Variants in CNTD1 observed in about 807,000 individuals in gnomAD.
The protein encoded by CNTD1 is cyclin N-terminal domain-containing protein 1.
In CNTD1, 17 loss-of-function variants were observed where a neutral mutation model predicts 36.3. The ratio of observed to expected loss-of-function variants is 0.47; its 90% CI spans 0.32 to 0.70. The LOEUF is 0.70. Among genes scored for constraint, CNTD1 ranks in the 30% least tolerant of loss-of-function variants. CNTD1 has a pLI of 0.03. For missense variants in CNTD1, 338 were observed against 386.1 expected, an observed-to-expected ratio of 0.88 and a Z score of 1.04; for synonymous variants, 128 against 153.3, an observed-to-expected ratio of 0.83 and a Z score of 1.22.
intron 5 of CNTD1, among the ~76,000 whole-genome samples, chr17:42,807,130 AC>A (rs2054892707): frequency 6.6e-6 from 1 of 152,134 alleles, no homozygotes; most frequent in African/African-American, 2.4e-5. Context: ...AGAAAAAAAA[AC>A]AGTCGCCGGC....
At chr17:42,806,583 T>G (rs2054882433) in intron 4 of CNTD1, 91 bp from the exon 5 acceptor site, 1 of 1,323,102 alleles carries the variant, frequency 7.6e-7, no homozygotes, top group South Asian at 1.3e-5. Flanking sequence ...GGAAGCACAT[T>G]AGCACCTCAA....
intron 3 of CNTD1, 37 bp downstream of exon 3, chr17:42,804,433 T>C: frequency 1.3e-6 from 2 of 1,585,212 alleles, no homozygotes; most frequent in Non-Finnish European, 1.7e-6. Flanking sequence ...ACCTGAGTGT[T>C]AGGAAGAAAC....
chr17:42,806,095 G>T (rs2054874546), intron 4 of CNTD1, among the ~76,000 whole-genome samples: 1 of 152,114 alleles, frequency 6.6e-6, no homozygotes, highest in South Asian at 2.1e-4. Context: ...GGGTGTGGTG[G>T]TGGGCACCTG....
In CNTD1 at chr17:42,811,404, G is replaced by A; in HGVS notation, c.*1869G>A. 2.6e-6 allele frequency: 1 copy of A among 385,162 alleles called. No individual in the cohort carries two copies. The highest frequency in any genetic ancestry group is 4.6e-6 in the Non-Finnish European group (1 of 219,166). The allele number at this position is 385,162 out of a possible 1,614,324, so 23.9% of individuals were successfully genotyped here. On this transcript the variant is annotated 3_prime_UTR_variant, in exon 7 of 7. Coordinates refer to ENST00000588408, the MANE Select transcript of CNTD1 (RefSeq NM_173478.3). ...GAAAAACCTTCTTGAAACTGGAGAG[G>A]AGGCTTGAGCTCTATGCCAAGAAAA... is the stretch of plus-strand genomic sequence containing the variant.
chr17:42,806,843 C>A, intron 5 of CNTD1, 25 bp downstream of exon 5: 1 of 1,612,028 alleles, frequency 6.2e-7, no homozygotes, highest in Non-Finnish European at 8.5e-7. Context: ...ATAGGGTAGG[C>A]TCCTTCCAGG....
In CNTD1 at chr17:42,805,713, T is replaced by C. The variant is rs763561525; in HGVS notation, c.418-9T>C. ...AACATTCTTCTTTCCCTCTCTTTTC[T>C]TTGCTCAGATAATCAGCAACATTAC... On this transcript the variant is annotated splice_polypyrimidine_tract_variant and intron_variant, in intron 3 of 6. Transcript: ENST00000588408. The C allele has an allele frequency of 1.9e-6, 3 of 1,608,074 alleles. No homozygotes were observed. The South Asian group carries it at 3.3e-5, about 18-fold the overall frequency.
intron 3 of CNTD1, among the ~76,000 whole-genome samples, chr17:42,805,041 AC>A (rs2054856263): frequency 6.6e-6 from 1 of 151,748 alleles, no homozygotes; most frequent in African/African-American, 2.4e-5. Flanking sequence ...CATACTGGTC[AC>A]CTTTCCTCCC....
At chr17:42,808,392 T>A (rs891765389) in intron 6 of CNTD1, among the ~76,000 whole-genome samples, 2 of 151,218 alleles carry the variant, frequency 1.3e-5, no homozygotes, top group East Asian at 2.0e-4. Flanking sequence ...CTACCAAAAA[T>A]TTTAAAAAAT....
chr17:42,811,184 G>A lies in CNTD1; in HGVS notation c.*1649G>A, dbSNP rs2054994992. On this transcript the variant is annotated 3_prime_UTR_variant, in exon 7 of 7. Transcript: ENST00000588408. The stretch of plus-strand genomic sequence containing the variant: ...GAAGCCTGGAGTAGGGGTGAGTGAG[G>A]GTTACAGTACTTCTTGCTGTTTTCC... 2.7e-6 allele frequency: 1 copy of A among 376,366 alleles called. No homozygotes were observed. The highest frequency in any genetic ancestry group is 4.7e-6 in the Non-Finnish European group (1 of 213,360). The allele number at this position is 376,366 out of a possible 1,614,324, so 23.3% of individuals were successfully genotyped here.
At chr17:42,805,967 C>A in intron 4 of CNTD1, 83 bp downstream of exon 4, 2 of 1,335,200 alleles carry the variant, frequency 1.5e-6, no homozygotes, top group Non-Finnish European at 2.0e-6. Context: ...ATGGCTCATG[C>A]CTGTAATCCC....
rs1011168166 is a variant in CNTD1 at position 42,811,376 on chromosome 17, A to G, written c.*1841A>G. 2 of 350,292 alleles carry G rather than the reference A, an allele frequency of 5.7e-6. No individual in the cohort carries two copies. Among genetic ancestry groups the G allele is most frequent in the Non-Finnish European group, 1.0e-5 (2 of 196,600 alleles). 21.7% of individuals were successfully genotyped at this position (350,292 alleles called of 1,614,324 possible). A position where few individuals can be genotyped will look rare whatever the true frequency, so the allele number is the denominator to read the frequency against. On this transcript the variant is annotated 3_prime_UTR_variant, in exon 7 of 7. Transcript: ENST00000588408. The stretch of plus-strand genomic sequence containing the variant: ...ATTCCTGTGTATTTCCAAGGGCTTC[A>G]GGGAAAAACCTTCTTGAAACTGGAG...
intron 6 of CNTD1, among the ~76,000 whole-genome samples, chr17:42,808,138 G>A (rs1037466667): frequency 2.0e-5 from 3 of 152,168 alleles, no homozygotes; most frequent in Admixed American, 1.3e-4. Flanking sequence ...GGCTGGGCAC[G>A]GTGGCTCATG....
At position 42,811,148 on chromosome 17, in the gene CNTD1, CAAAGA is replaced by C. The variant is rs978310234; in HGVS notation, c.*1614_*1618del. The C allele has an allele frequency of 1.6e-5, 7 of 426,268 alleles. 1 individual carries two copies. Among genetic ancestry groups the C allele is most frequent in the Non-Finnish European group, 2.8e-5 (7 of 246,126 alleles). 26.4% of individuals were successfully genotyped at this position (426,268 alleles called of 1,614,324 possible). A position where few individuals can be genotyped will look rare whatever the true frequency, so the allele number is the denominator to read the frequency against. On this transcript the variant is annotated 3_prime_UTR_variant, in exon 7 of 7. Coordinates refer to ENST00000588408, the MANE Select transcript of CNTD1 (RefSeq NM_173478.3). ...AGAGTACAGGGACAGGACACACACCCAAAGAGAAGAGAAGCCTGGAGTAGGGGTGA... is the reference window on the plus strand; with the variant it reads ...AGAGTACAGGGACAGGACACACACCCGAAGAGAAGCCTGGAGTAGGGGTGA...
chr17:42,801,204 C>CAA (rs1047489175), intron 1 of CNTD1, among the ~76,000 whole-genome samples: 1 of 135,302 alleles, frequency 7.4e-6, no homozygotes, highest in East Asian at 2.1e-4. Context: ...AAAAAAACAA[C>CAA]AACAAAAAAA....
At chr17:42,809,073 C>A (rs1009173670) in intron 6 of CNTD1, among the ~76,000 whole-genome samples, 1 of 152,194 alleles carries the variant, frequency 6.6e-6, no homozygotes, top group Non-Finnish European at 1.5e-5. Context: ...AAAACAAAGT[C>A]CAACAATTAT....
At chr17:42,808,921 C>T (rs1255455685) in intron 6 of CNTD1, among the ~76,000 whole-genome samples, 3 of 150,334 alleles carry the variant, frequency 2.0e-5, no homozygotes, top group African/African-American at 4.9e-5. Context: ...TAGTGGCTTG[C>T]GCCTGTAGTC....
At position 42,811,575 on chromosome 17, in the gene CNTD1, T is replaced by TTTA; in HGVS notation, c.*2042_*2043insATT. The TTTA allele has an allele frequency of 1.3e-6, 2 of 1,536,432 alleles. No homozygotes were observed. The highest frequency in any genetic ancestry group is 1.8e-6 in the Non-Finnish European group (2 of 1,139,938). On this transcript the variant is annotated 3_prime_UTR_variant, in exon 7 of 7. Coordinates refer to ENST00000588408, the MANE Select transcript of CNTD1 (RefSeq NM_173478.3). The stretch of plus-strand genomic sequence containing the variant: ...TTTGCTTTCCCACCATTTATACTGT[T>TTTA]TTGCCTCCATTATTACTGCTGCTTC...
At position 42,799,054 on chromosome 17, in the gene CNTD1, A is replaced by G. The variant is rs764914124; in HGVS notation, c.-14A>G. ...CCAGTGAACCCGTCCAGGTGCCCCAAGAGGCTCGTGAATATGGACGGACCC... is the reference window on the plus strand; with the variant it reads ...CCAGTGAACCCGTCCAGGTGCCCCAGGAGGCTCGTGAATATGGACGGACCC... On this transcript the variant is annotated 5_prime_UTR_variant, in exon 1 of 7. Transcript: ENST00000588408. 8 of 1,613,098 alleles carry G rather than the reference A, an allele frequency of 5.0e-6. No individual in the cohort carries two copies. In the South Asian group the frequency reaches 7.7e-5, roughly 16 times the overall value.
Position 42,804,360 on chromosome 17 carries a change from T to C in CNTD1, c.381T>C (p.Cys127=), listed in dbSNP as rs1219552600. 1 of 1,614,116 alleles carries C rather than the reference T, an allele frequency of 6.2e-7. No individual in the cohort carries two copies. Among genetic ancestry groups the C allele is most frequent in the Non-Finnish European group, 8.5e-7 (1 of 1,180,010 alleles). ...VNKFTLRLVS[C]VQLASKLSFR... is the part of the protein sequence containing the mutation. ...AGTTTACTCTCCGTCTTGTGTCATG[T>C]GTTCAGCTGGCCAGCAAACTTTCCT... The change falls in exon 3 of 7, where the codon TGT becomes TGC. Residue 127 remains cysteine (C), a synonymous_variant. Transcript: ENST00000588408.
Sources: allele counts gnomAD v4.1 joint callset (sites outside exome capture counted in the v4.1 genomes callset), GRCh38; gene constraint gnomAD v4.1.1; transcripts MANE v1.5; gene names NCBI Gene and HGNC (gene_info 2026-07-23, HGNC 2026-07-21).